The following CTNNA3 variants were observed in gnomAD, a reference collection of about 807,000 sequenced individuals.
The protein encoded by CTNNA3 is catenin alpha-3.
In CTNNA3, 76 loss-of-function variants were observed where a neutral mutation model predicts 95.7. The ratio of observed to expected loss-of-function variants is 0.79; its 90% confidence interval spans 0.66 to 0.96. The LOEUF (loss-of-function observed/expected upper bound fraction) is 0.96. Ranked by LOEUF, CTNNA3 falls within the 40% of genes least tolerant of loss-of-function variation. The probability of loss-of-function intolerance (pLI) is 0.00; values close to 1 mark genes in which losing one functional copy is unlikely to be tolerated. For missense variants in CTNNA3, 1,191 were observed against 1,089.8 expected (o/e 1.09, Z -1.31); for synonymous variants, 431 against 374.4 (o/e 1.15, Z -1.74).
chr10:66,040,125 A>G (rs1046252149), intron 15 of CTNNA3, among the ~76,000 whole-genome samples: 3 of 152,208 alleles, frequency 2.0e-5, no homozygotes, highest in Non-Finnish European at 4.4e-5. Context: ...TATTTAAAAA[A>G]GCTTAACATC....
intron 1 of CTNNA3, among the ~76,000 whole-genome samples, chr10:67,668,658 T>C (rs1411603963): frequency 2.0e-5 from 3 of 152,174 alleles, no homozygotes; most frequent in South Asian, 4.2e-4. Flanking sequence ...CGTGTCCTGA[T>C]TGAGACATAA....
intron 4 of CTNNA3, among the ~76,000 whole-genome samples, chr10:67,531,472 A>C (rs541643372): frequency 6.6e-6 from 1 of 152,326 alleles, no homozygotes; most frequent in Admixed American, 6.5e-5. Context: ...GTGGACTTAC[A>C]TGGGGCCTGT....
At chr10:66,986,020 C>A (rs905110516) in intron 7 of CTNNA3, among the ~76,000 whole-genome samples, 1 of 152,164 alleles carries the variant, frequency 6.6e-6, no homozygotes, top group Non-Finnish European at 1.5e-5. Flanking sequence ...GCCACCATGC[C>A]TGGCCTCACA....
chr10:67,042,998 G>A (rs1176876262), intron 7 of CTNNA3, among the ~76,000 whole-genome samples: 3 of 152,032 alleles, frequency 2.0e-5, no homozygotes, highest in Non-Finnish European at 2.9e-5. Flanking sequence ...ATCAGCAACC[G>A]GTGGAATAGT....
chr10:66,880,736 AT>A (rs1234084899), intron 7 of CTNNA3, among the ~76,000 whole-genome samples: 1 of 152,066 alleles, frequency 6.6e-6, no homozygotes, highest in African/African-American at 2.4e-5. Context: ...TAATCATAAT[AT>A]TAATTAAGTC....
chr10:66,759,820 T>C (rs1378949656), intron 9 of CTNNA3, among the ~76,000 whole-genome samples: 1 of 152,242 alleles, frequency 6.6e-6, no homozygotes, highest in East Asian at 1.9e-4. Context: ...ATCTCATTAA[T>C]GGCTTTTATA....
intron 9 of CTNNA3, among the ~76,000 whole-genome samples, chr10:66,646,417 A>T (rs1436125475): frequency 6.6e-6 from 1 of 152,110 alleles, no homozygotes; most frequent in African/African-American, 2.4e-5. Flanking sequence ...AGTCACAGCA[A>T]TAGAAGTGTC....
At chr10:66,568,356 G>A (rs933577834) in intron 10 of CTNNA3, among the ~76,000 whole-genome samples, 11 of 152,096 alleles carry the variant, frequency 7.2e-5, no homozygotes, top group African/African-American at 2.2e-4. Flanking sequence ...GATAACATTT[G>A]TATCCAAAAT....
intron 5 of CTNNA3, among the ~76,000 whole-genome samples, chr10:67,291,403 G>C (rs545939564): frequency 6.6e-6 from 1 of 152,124 alleles, no homozygotes; most frequent in Admixed American, 6.5e-5. Flanking sequence ...ATCTATCCTG[G>C]TCCACTGATT....
At chr10:66,290,189 T>A (rs1237906937) in intron 12 of CTNNA3, among the ~76,000 whole-genome samples, 1 of 151,874 alleles carries the variant, frequency 6.6e-6, no homozygotes, top group African/African-American at 2.4e-5. Flanking sequence ...CTCTCCTACA[T>A]CTCCCCCAAA....
chr10:67,671,453 C>T (rs57279618), intron 1 of CTNNA3, among the ~76,000 whole-genome samples: 12,636 of 150,896 alleles, frequency 0.084, 1,243 homozygotes, highest in African/African-American at 0.24. Context: ...TGGTGTGCTG[C>T]ACCCATTAAC....
At chr10:66,787,923 A>T (rs1840813231) in intron 7 of CTNNA3, among the ~76,000 whole-genome samples, 1 of 152,200 alleles carries the variant, frequency 6.6e-6, no homozygotes, top group Non-Finnish European at 1.5e-5. Flanking sequence ...AGACAGAACT[A>T]AATACTGTCT....
chr10:67,037,388 G>GAA (rs66693044), intron 7 of CTNNA3, among the ~76,000 whole-genome samples: 3 of 145,564 alleles, frequency 2.1e-5, no homozygotes, highest in African/African-American at 7.6e-5. Context: ...AAAGAAAAAA[G>GAA]AAAAAAAAAA....
intron 13 of CTNNA3, among the ~76,000 whole-genome samples, chr10:66,146,689 T>C (rs2083903775): frequency 6.6e-6 from 1 of 152,114 alleles, no homozygotes; most frequent in African/African-American, 2.4e-5. Context: ...CCTGAGTATC[T>C]GGAACTACAA....
intron 1 of CTNNA3, among the ~76,000 whole-genome samples, chr10:67,693,679 C>T (rs1247252879): frequency 6.6e-6 from 1 of 152,130 alleles, no homozygotes; most frequent in East Asian, 1.9e-4. Flanking sequence ...CATAACTCTA[C>T]CTCTCACTTC....
rs553099436 is a variant in CTNNA3 at position 66,561,836 on chromosome 10, A to C, written c.1375-41063T>G. 6.6e-5 allele frequency among the ~76,000 whole-genome samples: 10 copies of C among 152,192 alleles called. No individual in the cohort carries two copies. The East Asian group carries it at 1.9e-3, about 29-fold the overall frequency. ...TTACACCCATTTTTTTGTTGTTTGC[A>C]TGATCTCAAATTTCACATTATCCTA... On this transcript the variant is annotated intron_variant, in intron 10 of 17. Coordinates refer to ENST00000433211, the MANE Select transcript of CTNNA3 (RefSeq NM_013266.4).
intron 13 of CTNNA3, among the ~76,000 whole-genome samples, chr10:66,279,368 T>A (rs1202564903): frequency 1.3e-5 from 2 of 152,006 alleles, no homozygotes; most frequent in Non-Finnish European, 2.9e-5. Flanking sequence ...TTGAATTCTA[T>A]TCATACTTAA....
chr10:67,148,785 C>A (rs1860954890), intron 7 of CTNNA3, among the ~76,000 whole-genome samples: 1 of 152,104 alleles, frequency 6.6e-6, no homozygotes, highest in Middle Eastern at 3.2e-3. Context: ...TGTAATAAAG[C>A]TTGCAGTAAG....
chr10:66,180,992 A>G (rs2086011440), intron 13 of CTNNA3, among the ~76,000 whole-genome samples: 1 of 152,098 alleles, frequency 6.6e-6, no homozygotes, highest in African/African-American at 2.4e-5. Flanking sequence ...GGTCATCCAA[A>G]TGGACCATTT....
Sources: gnomAD v4.1 joint callset for allele counts (sites outside exome capture counted in the v4.1 genomes callset) on GRCh38, gnomAD v4.1.1 for gene constraint, MANE v1.5 for transcripts, NCBI Gene and HGNC (gene_info 2026-07-23, HGNC 2026-07-21) for gene names.